Variants in PTPRT observed in about 807,000 individuals in gnomAD.
PTPRT encodes the protein receptor-type tyrosine-protein phosphatase T.
PTPRT carries 56 observed loss-of-function variants against 176.8 expected under a neutral mutation model. That is an observed-to-expected ratio of 0.32 (90% CI 0.26 to 0.40). The LOEUF is 0.40. PTPRT is among the 10% of genes least tolerant of loss of function. The probability of loss-of-function intolerance (pLI) is 1.00; values close to 1 mark genes in which losing one functional copy is unlikely to be tolerated. For missense variants in PTPRT, 1,540 were observed against 1,908.2 expected (o/e 0.81, Z 3.60); for synonymous variants, 783 against 739.0 (o/e 1.06, Z -0.96).
At chr20:42,372,691 G>A (rs529713582) in intron 9 of PTPRT, among the ~76,000 whole-genome samples, 1 of 152,142 alleles carries the variant, frequency 6.6e-6, no homozygotes, top group Non-Finnish European at 1.5e-5. Context: ...CTCTGAAAAA[G>A]ATAATATTAA....
At chr20:42,939,111 C>T (rs546549966) in intron 1 of PTPRT, among the ~76,000 whole-genome samples, 18 of 152,326 alleles carry the variant, frequency 1.2e-4, no homozygotes, top group East Asian at 5.8e-4. Flanking sequence ...CCAACCAACT[C>T]GCTCACATTT....
chr20:43,136,275 C>A (rs2013831044), intron 1 of PTPRT, among the ~76,000 whole-genome samples: 1 of 152,172 alleles, frequency 6.6e-6, no homozygotes, highest in South Asian at 2.1e-4. Flanking sequence ...GTAAATTCAT[C>A]TCCGCCTTCA....
chr20:42,873,978 A>T (rs114103817), intron 2 of PTPRT, among the ~76,000 whole-genome samples: 2,372 of 151,856 alleles, frequency 0.016, 56 homozygotes, highest in African/African-American at 0.055. Flanking sequence ...GCCAAAGCAT[A>T]ATGAAAACCT....
intron 1 of PTPRT, among the ~76,000 whole-genome samples, chr20:42,989,902 T>A (rs1334691371): frequency 6.6e-6 from 1 of 152,298 alleles, no homozygotes; most frequent in South Asian, 2.1e-4. Context: ...CACAGTCACA[T>A]CCCCTTGGGC....
chr20:43,071,740 G>A (rs1008528226), intron 1 of PTPRT, among the ~76,000 whole-genome samples: 1 of 152,202 alleles, frequency 6.6e-6, no homozygotes, highest in Non-Finnish European at 1.5e-5. Flanking sequence ...AGCCAAGATC[G>A]TGCCATTGCA....
At chr20:42,152,115 G>T (rs970877718) in intron 17 of PTPRT, among the ~76,000 whole-genome samples, 9 of 152,164 alleles carry the variant, frequency 5.9e-5, no homozygotes, top group Non-Finnish European at 8.8e-5. Context: ...GAAATTTTAG[G>T]GTTTCCATAT....
intron 7 of PTPRT, among the ~76,000 whole-genome samples, chr20:42,548,908 A>G (rs1051730684): frequency 6.6e-6 from 1 of 152,312 alleles, no homozygotes; most frequent in East Asian, 1.9e-4. Flanking sequence ...AACACAATGT[A>G]CAGTCATTTA....
intron 7 of PTPRT, among the ~76,000 whole-genome samples, chr20:42,555,484 T>C (rs1387386840): frequency 6.6e-6 from 1 of 152,116 alleles, no homozygotes; most frequent in Non-Finnish European, 1.5e-5. Flanking sequence ...GCAGTTTAGG[T>C]GTTGCTAGCA....
intron 1 of PTPRT, among the ~76,000 whole-genome samples, chr20:43,104,816 A>G (rs2012532355): frequency 6.6e-6 from 1 of 152,208 alleles, no homozygotes; most frequent in Admixed American, 6.5e-5. Flanking sequence ...GCAACATAAC[A>G]TCTACCTTGC....
chr20:42,918,917 C>A (rs1978965799), intron 1 of PTPRT, among the ~76,000 whole-genome samples: 1 of 152,194 alleles, frequency 6.6e-6, no homozygotes, highest in African/African-American at 2.4e-5. Flanking sequence ...TCTTTCCACT[C>A]CTCAACACCA....
chr20:42,645,259 G>A (rs2074863884), intron 7 of PTPRT, among the ~76,000 whole-genome samples: 1 of 152,168 alleles, frequency 6.6e-6, no homozygotes, highest in Non-Finnish European at 1.5e-5. Context: ...GGCTCTCCCT[G>A]AGGGAATGTG....
chr20:42,368,905 C>T (rs2058550336), intron 9 of PTPRT, among the ~76,000 whole-genome samples: 1 of 152,172 alleles, frequency 6.6e-6, no homozygotes. Flanking sequence ...TATACAGTGT[C>T]TCAACCATAC....
intron 16 of PTPRT, among the ~76,000 whole-genome samples, chr20:42,183,484 A>G (rs563577004): frequency 5.9e-5 from 9 of 152,356 alleles, no homozygotes; most frequent in Non-Finnish European, 1.3e-4. Context: ...CAAAAGCTAT[A>G]GATTTGTAAA....
At chr20:42,062,299 A>G in the PTPRT span, among the ~76,000 whole-genome samples, 28 of 152,162 alleles carry the variant, frequency 1.8e-4, no homozygotes, top group African/African-American at 3.1e-4. Context: ...ATGTAAAGCA[A>G]TGTGAGCTGG....
intron 7 of PTPRT, among the ~76,000 whole-genome samples, chr20:42,634,056 A>AAT (rs568470256): frequency 0.074 from 2,700 of 36,672 alleles, 440 homozygotes; most frequent in African/African-American, 0.3. Flanking sequence ...TATATATTAT[A>AAT]AATATATAAT....
At chr20:42,512,938 C>T (rs542813056) in intron 7 of PTPRT, among the ~76,000 whole-genome samples, 1 of 152,252 alleles carries the variant, frequency 6.6e-6, no homozygotes, top group South Asian at 2.1e-4. Flanking sequence ...TGGCTCACCA[C>T]AACCTCCGCC....
At chr20:42,735,396 C>T (rs1172312787) in intron 6 of PTPRT, among the ~76,000 whole-genome samples, 1 of 149,744 alleles carries the variant, frequency 6.7e-6, no homozygotes, top group African/African-American at 2.4e-5. Flanking sequence ...CATGGCAGAA[C>T]CATGACTTAA....
intron 9 of PTPRT, among the ~76,000 whole-genome samples, chr20:42,409,889 T>G (rs1165359202): frequency 6.6e-6 from 1 of 152,222 alleles, no homozygotes; most frequent in South Asian, 2.1e-4. Flanking sequence ...TGGAGCAGAC[T>G]GCAGTCTCTG....
chr20:42,895,284 T>A (rs1220169963), intron 1 of PTPRT, among the ~76,000 whole-genome samples: 1 of 152,158 alleles, frequency 6.6e-6, no homozygotes, highest in Non-Finnish European at 1.5e-5. Flanking sequence ...ATGGCCGCCT[T>A]CTCACTGTGT....
Sources: gnomAD v4.1 joint callset for allele counts (sites outside exome capture counted in the v4.1 genomes callset) on GRCh38, gnomAD v4.1.1 for gene constraint, MANE v1.5 for transcripts, NCBI Gene and HGNC (gene_info 2026-07-23, HGNC 2026-07-21) for gene names.